Variants in PLCH1 observed in about 807,000 individuals in gnomAD.
The protein encoded by PLCH1 is phospholipase C eta 1.
Under a neutral mutation model 126.7 loss-of-function variants are expected in PLCH1, and 60 were observed. The ratio of observed to expected loss-of-function variants is 0.47; its 90% CI spans 0.38 to 0.59. PLCH1 has a LOEUF of 0.59. PLCH1 is among the 20% of genes least tolerant of loss of function. PLCH1 has a pLI of 0.00. For missense variants in PLCH1, 1,723 were observed against 2,040.0 expected, an observed-to-expected ratio of 0.84 and a Z score of 2.99; for synonymous variants, 719 against 734.9, an observed-to-expected ratio of 0.98 and a Z score of 0.35.
In PLCH1 at chr3:155,488,039, T is replaced by C. The variant is rs1306850875; in HGVS notation, c.2608A>G (p.Ile870Val). 2 of 1,582,816 alleles carry C rather than the reference T, an allele frequency of 1.3e-6. No homozygotes were observed. Among genetic ancestry groups the C allele is most frequent in the Non-Finnish European group, 1.7e-6 (2 of 1,151,558 alleles). ...ATGATCTTTCTCACCTTTCCATAGA[T>C]TTCATTGATGGTTATGTGTACAAAT... Reference protein sequence around the residue: ...SIFVHITINEIYGKNRQLQGL... With the variant: ...SIFVHITINEVYGKNRQLQGL... The change falls in exon 21 of 23, where the codon ATC (isoleucine) becomes GTC (valine). Residue 870 changes from isoleucine (I) to valine (V), a missense_variant. Physicochemically the swap from Ile to Val is conservative, Grantham distance 29. This residue lies in a region of PLCH1 where 776 missense variants were observed against 1,062.9 expected (regional missense o/e 0.73). Coordinates refer to ENST00000460012, the MANE Select transcript of PLCH1 (RefSeq NM_014996.4).
At chr3:155,629,170 A>G (rs1419702951) in intron 2 of PLCH1, among the ~76,000 whole-genome samples, 1 of 152,210 alleles carries the variant, frequency 6.6e-6, no homozygotes, top group Non-Finnish European at 1.5e-5. Flanking sequence ...TTCAACAAAT[A>G]CTAGTTTCTT....
At chr3:155,485,957 C>T (rs1296203295) in intron 21 of PLCH1, 15 of 604,642 alleles carry the variant, frequency 2.5e-5, no homozygotes, top group Non-Finnish European at 3.8e-5. Flanking sequence ...GTTTCCTACC[C>T]AGAGATGACA....
At chr3:155,597,044 A>C (rs1275230636) in intron 2 of PLCH1, among the ~76,000 whole-genome samples, 1 of 152,246 alleles carries the variant, frequency 6.6e-6, no homozygotes, top group East Asian at 1.9e-4. Flanking sequence ...TAAAGTTGTC[A>C]TTTAAATCCA....
intron 10 of PLCH1, among the ~76,000 whole-genome samples, chr3:155,542,031 GC>G (rs1724333817): frequency 6.6e-6 from 1 of 152,188 alleles, no homozygotes; most frequent in Non-Finnish European, 1.5e-5. Flanking sequence ...CAGACAGTGG[GC>G]GCAGGACAGT....
chr3:155,470,086 G>A (rs1027723503), intron 21 of PLCH1, among the ~76,000 whole-genome samples: 76 of 152,218 alleles, frequency 5.0e-4, no homozygotes, highest in African/African-American at 1.8e-3. Flanking sequence ...GAATGACTTT[G>A]ACGAGCTGAG....
intron 10 of PLCH1, among the ~76,000 whole-genome samples, chr3:155,544,805 T>C (rs1285778565): frequency 2.0e-5 from 3 of 151,304 alleles, no homozygotes; most frequent in Non-Finnish European, 4.4e-5. Flanking sequence ...CATAACGAAA[T>C]GAAGGCAGAA....
intron 2 of PLCH1, among the ~76,000 whole-genome samples, chr3:155,692,724 C>A (rs544118266): frequency 6.6e-6 from 1 of 151,692 alleles, no homozygotes; most frequent in African/African-American, 2.4e-5. Context: ...TCCTCATTAG[C>A]GAAATGAGGA....
intron 4 of PLCH1, among the ~76,000 whole-genome samples, chr3:155,588,408 G>A (rs1467946845): frequency 6.6e-6 from 1 of 152,056 alleles, no homozygotes; most frequent in African/African-American, 2.4e-5. Context: ...TGTTTTCAAG[G>A]CACGCAGCAC....
At chr3:155,523,853 A>G in intron 11 of PLCH1, 44 bp downstream of exon 11, 1 of 1,105,604 alleles carries the variant, frequency 9.0e-7, no homozygotes, top group Non-Finnish European at 1.4e-6. Context: ...CCATTTTAAT[A>G]CAGCATATCA....
At chr3:155,457,976 G>T (rs921635772) in intron 21 of PLCH1, among the ~76,000 whole-genome samples, 2 of 152,130 alleles carry the variant, frequency 1.3e-5, no homozygotes, top group African/African-American at 4.8e-5. Context: ...AGCTCCAAAT[G>T]ACAAAGGGAG....
chr3:155,736,611 T>C (rs1291104883), intron 1 of PLCH1, among the ~76,000 whole-genome samples: 4 of 152,212 alleles, frequency 2.6e-5, no homozygotes, highest in African/African-American at 4.8e-5. Flanking sequence ...CAGCCAATAG[T>C]GATGCTTTAT....
intron 15 of PLCH1, among the ~76,000 whole-genome samples, chr3:155,495,836 C>A (rs1716954481): frequency 6.6e-6 from 1 of 152,184 alleles, no homozygotes. Context: ...CTTAAAGATA[C>A]ATGTTCATAT....
intron 2 of PLCH1, among the ~76,000 whole-genome samples, chr3:155,601,179 G>A (rs368162628): frequency 9.9e-5 from 15 of 152,208 alleles, no homozygotes; most frequent in African/African-American, 2.4e-4. Flanking sequence ...GGGTTTCACC[G>A]TGTTAGCCAG....
intron 8 of PLCH1, among the ~76,000 whole-genome samples, chr3:155,563,335 T>C (rs1207678520): frequency 6.6e-6 from 1 of 152,210 alleles, no homozygotes; most frequent in East Asian, 1.9e-4. Flanking sequence ...CACATACATG[T>C]TACAAAATCA....
chr3:155,488,429 T>G (rs958472653), intron 20 of PLCH1, among the ~76,000 whole-genome samples: 2 of 152,178 alleles, frequency 1.3e-5, no homozygotes, highest in African/African-American at 4.8e-5. Context: ...ACTCCTGACC[T>G]TAGGTGATCC....
rs1217119545 is a variant in PLCH1, at chr3:155,665,122, G to C, written c.79+39024C>G. On this transcript the variant is annotated intron_variant, in intron 2 of 22. Transcript: ENST00000460012. ...TTTCTTTTCTCCTTCCATTTGGCCA[G>C]AGGAGGTACTCCTAGGGTAATCTTT... is the stretch of plus-strand genomic sequence containing the variant. Among the ~76,000 whole-genome samples the C allele has an allele frequency of 4.9e-5, 7 of 143,474 alleles. No homozygotes were observed. The East Asian group carries it at 1.2e-3, about 24-fold the overall frequency. 94.1% of individuals were successfully genotyped at this position (143,474 alleles called of 152,430 possible). A position where few individuals can be genotyped will look rare whatever the true frequency, so the allele number is the denominator to read the frequency against.
chr3:155,731,161 C>A (rs1748743368), intron 1 of PLCH1, among the ~76,000 whole-genome samples: 1 of 152,208 alleles, frequency 6.6e-6, no homozygotes, highest in South Asian at 2.1e-4. Context: ...CCAGGCCAGC[C>A]TCTGCAGACT....
At chr3:155,742,875 C>G (rs1749727674) in intron 1 of PLCH1, 1 of 157,666 alleles carries the variant, frequency 6.3e-6, no homozygotes, top group South Asian at 1.8e-4. Context: ...CTTAAAACAT[C>G]TACCACAAAT....
Position 155,485,835 on chromosome 3 carries a change from C to T in PLCH1, c.2620-125G>A, listed in dbSNP as rs964216473. 6 of 638,166 alleles carry T rather than the reference C, an allele frequency of 9.4e-6. No individual in the cohort carries two copies. In the Middle Eastern group the frequency reaches 9.9e-4, roughly 105 times the overall value. 39.5% of individuals were successfully genotyped at this position (638,166 alleles called of 1,614,324 possible). A position where few individuals can be genotyped will look rare whatever the true frequency, so the allele number is the denominator to read the frequency against. On this transcript the variant is annotated intron_variant, in intron 21 of 22. Coordinates refer to ENST00000460012, the MANE Select transcript of PLCH1 (RefSeq NM_014996.4). Reference sequence around the variant, plus strand: ...AATCGTACAGCCATTGAAATATATTCAAACCAAGAAAGCAGCAGCTCACAG... The same window carrying T: ...AATCGTACAGCCATTGAAATATATTTAAACCAAGAAAGCAGCAGCTCACAG...
Sources: gnomAD v4.1 joint callset for allele counts (sites outside exome capture counted in the v4.1 genomes callset) on GRCh38, gnomAD v4.1.1 for gene constraint, gnomAD v4.1.1 regional missense constraint, MANE v1.5 for transcripts, NCBI Gene and HGNC (gene_info 2026-07-23, HGNC 2026-07-21) for gene names.